LRRC75A: variants seen among roughly 807,000 people sequenced by gnomAD.
LRRC75A encodes the protein leucine-rich repeat-containing protein 75A.
Under a neutral mutation model 26.0 loss-of-function variants are expected in LRRC75A, and 12 were observed. The observed-to-expected ratio is 0.46, with a 90% CI of 0.30 to 0.75. The LOEUF (loss-of-function observed/expected upper bound fraction) is 0.75, where lower values mean the gene tolerates loss of function less well. LRRC75A is among the 30% of genes least tolerant of loss of function. The pLI, the probability that LRRC75A is intolerant of heterozygous loss-of-function variation, is 0.08. For missense variants in LRRC75A, 410 were observed against 486.6 expected, an observed-to-expected ratio of 0.84 and a Z score of 1.48; for synonymous variants, 223 against 219.3, an observed-to-expected ratio of 1.02 and a Z score of -0.15.
At chr17:16,466,705 G>A (rs4143830) in intron 1 of LRRC75A, among the ~76,000 whole-genome samples, 10,454 of 152,166 alleles carry the variant, frequency 0.069, 440 homozygotes, top group East Asian at 0.14. Context: ...AGCAGCACAC[G>A]GCATTTCAAA....
chr17:16,442,066 G>A lies in LRRC75A; in HGVS notation c.*1522C>T, dbSNP rs1211461087. 6.6e-6 allele frequency: 1 copy of A among 152,608 alleles called. No homozygotes were observed. 9.5% of individuals were successfully genotyped at this position (152,608 alleles called of 1,614,324 possible). ...GAAAAAGTAAATTTCGCCTACTGTT[G>A]TCAGATATTAGCAGTCCAGATATTC... is the stretch of plus-strand genomic sequence containing the variant. On this transcript the variant is annotated 3_prime_UTR_variant, in exon 4 of 4. Coordinates refer to ENST00000470794, the MANE Select transcript of LRRC75A (RefSeq NM_001113567.3).
chr17:16,462,532 G>A lies in LRRC75A; in HGVS notation c.247-146C>T, dbSNP rs1360884398. On this transcript the variant is annotated intron_variant, in intron 1 of 3. Transcript: ENST00000470794. This position sits in a 1 kb window ranked among gnomAD's most constrained non-coding sequence, Gnocchi z 4.6. ...GAGCATCTGCAGAACTTCCCTCAGG[G>A]GCTGGGGCAGGCCTCTCCTGTTTGT... 1.9e-6 allele frequency: 2 copies of A among 1,044,182 alleles called. No homozygotes were observed. Among genetic ancestry groups the A allele is most frequent in the South Asian group, 3.2e-5 (2 of 62,076 alleles). The allele number at this position is 1,044,182 out of a possible 1,614,324, so 64.7% of individuals were successfully genotyped here. A position where few individuals can be genotyped will look rare whatever the true frequency, so the allele number is the denominator to read the frequency against.
chr17:16,455,408 C>T (rs1389181515), intron 2 of LRRC75A, among the ~76,000 whole-genome samples: 1 of 151,254 alleles, frequency 6.6e-6, no homozygotes, highest in East Asian at 1.9e-4. Context: ...TAGACGGAGT[C>T]TTGCTCTGTC....
chr17:16,443,667 T>A lies in LRRC75A; in HGVS notation c.956A>T (p.Glu319Val), dbSNP rs1280536944. 6.3e-7 allele frequency: 1 copy of A among 1,582,288 alleles called. No individual in the cohort carries two copies. The highest frequency in any genetic ancestry group is 1.1e-5 in the South Asian group (1 of 88,100). Residue 319 changes from glutamate (E) to valine (V), a missense_variant, in exon 4 of 4, where the codon GAG becomes GTG. Coordinates refer to ENST00000470794, the MANE Select transcript of LRRC75A (RefSeq NM_001113567.3). Reference protein sequence around the residue: ...EEVREGTVGQEDPGGGPVAPA... With the variant: ...EEVREGTVGQVDPGGGPVAPA... ...TGCCACAGGGCCCCCTCCAGGGTCC[T>A]CCTGGCCTACTGTCCCTTCCCGGAC...
chr17:16,452,169 T>C (rs1277414824), intron 2 of LRRC75A, among the ~76,000 whole-genome samples: 3 of 115,114 alleles, frequency 2.6e-5, no homozygotes, highest in Non-Finnish European at 5.1e-5. Context: ...CTGGGCAATA[T>C]AGTGAGACTT....
chr17:16,453,500 G>T (rs2093652912), intron 2 of LRRC75A, among the ~76,000 whole-genome samples: 1 of 152,146 alleles, frequency 6.6e-6, no homozygotes, highest in African/African-American at 2.4e-5. Context: ...TCACTGGCTA[G>T]ACAGGAACAA....
At chr17:16,453,320 GCACACA>G (rs1197458042) in intron 2 of LRRC75A, among the ~76,000 whole-genome samples, 1 of 107,410 alleles carries the variant, frequency 9.3e-6, no homozygotes, top group Non-Finnish European at 2.3e-5. Context: ...ACGCACACAC[GCACACA>G]CGCACACGCA....
At chr17:16,477,072 C>T (rs1974600) in intron 1 of LRRC75A, among the ~76,000 whole-genome samples, 1 of 151,752 alleles carries the variant, frequency 6.6e-6, no homozygotes, top group African/African-American at 2.4e-5. Context: ...TAGTAGAGAC[C>T]GGGGGTTTTA....
chr17:16,453,322 ACACACGCACACGCACACACG>A (rs1336315810), intron 2 of LRRC75A, among the ~76,000 whole-genome samples: 4 of 139,278 alleles, frequency 2.9e-5, no homozygotes, highest in Non-Finnish European at 6.2e-5. Flanking sequence ...GCACACACGC[ACACACGCACACGCACACACG>A]CACACGCACA....
chr17:16,473,183 T>C (rs1242479716), intron 1 of LRRC75A, among the ~76,000 whole-genome samples: 1 of 151,868 alleles, frequency 6.6e-6, no homozygotes, highest in Non-Finnish European at 1.5e-5. Flanking sequence ...TAATGACAGA[T>C]AATGCAGATG....
Position 16,491,359 on chromosome 17 carries a change from C to T in LRRC75A, c.246+386G>A, listed in dbSNP as rs558744929. ...GATAACCGCATTCCTTGAGGACCCT[C>T]GGCCGGGAGTGACTGCCAGTGGGCA... On this transcript the variant is annotated intron_variant, in intron 1 of 3. Coordinates refer to ENST00000470794, the MANE Select transcript of LRRC75A (RefSeq NM_001113567.3). The surrounding 1 kb of genome is among the most constrained non-coding windows in gnomAD (Gnocchi z 5.9). Among the ~76,000 whole-genome samples the T allele has an allele frequency of 6.4e-4, 97 of 152,350 alleles. No homozygotes were observed. Among genetic ancestry groups the T allele is most frequent in the African/African-American group, 2.2e-3 (91 of 41,596 alleles).
At position 16,443,681 on chromosome 17, in the gene LRRC75A, C is replaced by A. The variant is rs957213125; in HGVS notation, c.942G>T (p.Gly314=). 5.0e-6 allele frequency: 8 copies of A among 1,599,388 alleles called. No homozygotes were observed. The highest frequency in any genetic ancestry group is 6.8e-6 in the Non-Finnish European group (8 of 1,172,852). Residue 314 remains glycine, a synonymous_variant, in exon 4 of 4, where the codon GGG becomes GGT. Coordinates refer to ENST00000470794, the MANE Select transcript of LRRC75A (RefSeq NM_001113567.3). ...CTCCAGGGTCCTCCTGGCCTACTGT[C>A]CCTTCCCGGACCTCCTCCCCACTGC... The part of the protein sequence containing the change: ...GPGSGEEVRE[G]TVGQEDPGGG...
In LRRC75A at chr17:16,462,218, C is replaced by T. The variant is rs376912461; in HGVS notation, c.375+40G>A. On this transcript the variant is annotated intron_variant, in intron 2 of 3. Coordinates refer to ENST00000470794, the MANE Select transcript of LRRC75A (RefSeq NM_001113567.3). The surrounding 1 kb of genome is among the most constrained non-coding windows in gnomAD (Gnocchi z 4.6). ...TCTGCCCAGAAAGGCACCCACCGCA[C>T]ACCCCGGGACCTGGCTGGCTCGGAC... The T allele has an allele frequency of 1.9e-6, 3 of 1,611,336 alleles. No individual in the cohort carries two copies. The highest frequency in any genetic ancestry group is 2.5e-6 in the Non-Finnish European group (3 of 1,178,680).
At chr17:16,456,504 G>A (rs866477553) in intron 2 of LRRC75A, among the ~76,000 whole-genome samples, 1 of 151,972 alleles carries the variant, frequency 6.6e-6, no homozygotes, top group South Asian at 2.1e-4. Flanking sequence ...AAGAGGAGGA[G>A]GAAGCTGGAC....
Position 16,443,314 on chromosome 17 carries a change from G to T in LRRC75A, c.*274C>A. On this transcript the variant is annotated 3_prime_UTR_variant, in exon 4 of 4. Coordinates refer to ENST00000470794, the MANE Select transcript of LRRC75A (RefSeq NM_001113567.3). ...CCATTTCCACAAGTCTTTGGGGAAG[G>T]CCATGAGCTGAGCTGAGAGGGTTCT... The T allele has an allele frequency of 6.9e-6, 3 of 436,998 alleles. No homozygotes were observed. In the South Asian group the frequency reaches 1.7e-4, roughly 24 times the overall value. The allele number at this position is 436,998 out of a possible 1,614,324, so 27.1% of individuals were successfully genotyped here.
chr17:16,468,130 A>C (rs973522783), intron 1 of LRRC75A, among the ~76,000 whole-genome samples: 2 of 152,270 alleles, frequency 1.3e-5, no homozygotes, highest in Non-Finnish European at 2.9e-5. Context: ...AAAATGGTGC[A>C]GCCACCATGG....
At chr17:16,486,020 G>A (rs1337407799) in intron 1 of LRRC75A, among the ~76,000 whole-genome samples, 3 of 152,148 alleles carry the variant, frequency 2.0e-5, no homozygotes, top group African/African-American at 4.8e-5. Context: ...GCCAAACCCC[G>A]CTGTCTCCTG....
chr17:16,468,276 T>C (rs148910714), intron 1 of LRRC75A, among the ~76,000 whole-genome samples: 1 of 152,308 alleles, frequency 6.6e-6, no homozygotes, highest in African/African-American at 2.4e-5. Flanking sequence ...AGCAGCATCA[T>C]TCACAGTAGC....
intron 1 of LRRC75A, among the ~76,000 whole-genome samples, chr17:16,465,071 A>G (rs2093757682): frequency 1.3e-5 from 2 of 152,250 alleles, no homozygotes; most frequent in African/African-American, 4.8e-5. Flanking sequence ...ACTGGTGGCC[A>G]CGGGGAGGAG....
Sources: allele counts gnomAD v4.1 joint callset (sites outside exome capture counted in the v4.1 genomes callset), GRCh38; gene constraint gnomAD v4.1.1; non-coding constraint Gnocchi (gnomAD v3.1); transcripts MANE v1.5; gene names NCBI Gene and HGNC (gene_info 2026-07-23, HGNC 2026-07-21).